The following CADM2 variants were observed in gnomAD, a reference collection of about 807,000 sequenced individuals.
The protein encoded by CADM2 is cell adhesion molecule 2.
A neutral mutation model predicts 49.8 loss-of-function variants in CADM2; 12 were observed. That is an observed-to-expected ratio of 0.24 (90% CI 0.15 to 0.39). CADM2 has a LOEUF of 0.39. Ranked by LOEUF, CADM2 falls within the 10% of genes least tolerant of loss-of-function variation. CADM2 has a pLI of 1.00. For missense variants in CADM2, 378 were observed against 492.3 expected, an observed-to-expected ratio of 0.77 and a Z score of 2.20; for synonymous variants, 214 against 175.4, an observed-to-expected ratio of 1.22 and a Z score of -1.74.
In CADM2 at chr3:84,959,548, C is replaced by G; in HGVS notation, c.-60C>G. ...CCAGCGGAGCCCTGCACTCTCGTGC[C>G]CCGCTCACCAGCATCTACTTGCCCC... On this transcript the variant is annotated 5_prime_UTR_variant, in exon 1 of 10. Transcript: ENST00000383699. 6.8e-7 allele frequency: 1 copy of G among 1,466,700 alleles called. No homozygotes were observed. The highest frequency in any genetic ancestry group is 9.2e-7 in the Non-Finnish European group (1 of 1,083,168). The allele number at this position is 1,466,700 out of a possible 1,614,324, so 90.9% of individuals were successfully genotyped here.
chr3:85,985,424 T>G (rs914160025), intron 8 of CADM2, among the ~76,000 whole-genome samples: 48 of 152,088 alleles, frequency 3.2e-4, no homozygotes, highest in African/African-American at 1.1e-3. Flanking sequence ...AGGAGGACAT[T>G]TGTGTCCTCA....
At chr3:85,969,105 C>A (rs1006782923) in intron 8 of CADM2, among the ~76,000 whole-genome samples, 4 of 151,546 alleles carry the variant, frequency 2.6e-5, no homozygotes, top group Non-Finnish European at 5.9e-5. Context: ...CACACTCCCA[C>A]ACCTTCAATC....
At chr3:85,284,901 C>T (rs750437983) in intron 1 of CADM2, among the ~76,000 whole-genome samples, 16 of 151,910 alleles carry the variant, frequency 1.1e-4, no homozygotes, top group Non-Finnish European at 2.1e-4. Flanking sequence ...ATCGAATATA[C>T]ATGAAGGGAT....
At chr3:85,450,937 C>A (rs2037722523) in intron 1 of CADM2, among the ~76,000 whole-genome samples, 1 of 151,964 alleles carries the variant, frequency 6.6e-6, no homozygotes, top group African/African-American at 2.4e-5. Context: ...TTAAACATAT[C>A]AAACTGGAAC....
chr3:85,769,432 TA>T (rs1269364541), intron 2 of CADM2, among the ~76,000 whole-genome samples: 5 of 100,016 alleles, frequency 5.0e-5, no homozygotes, highest in Admixed American at 2.8e-4. Flanking sequence ...TATACATATA[TA>T]GTATATATAC....
intron 8 of CADM2, among the ~76,000 whole-genome samples, chr3:86,012,286 T>C (rs951034204): frequency 3.9e-5 from 6 of 152,222 alleles, no homozygotes; most frequent in Admixed American, 3.9e-4. Context: ...ATGCATATTA[T>C]AATAGAATAA....
chr3:85,428,021 T>C (rs1156580930), intron 1 of CADM2, among the ~76,000 whole-genome samples: 2 of 151,932 alleles, frequency 1.3e-5, no homozygotes. Context: ...CATAGTTAGG[T>C]ACTTATTCCT....
chr3:85,559,226 G>A (rs1264542914), intron 1 of CADM2, among the ~76,000 whole-genome samples: 1 of 151,926 alleles, frequency 6.6e-6, no homozygotes, highest in Non-Finnish European at 1.5e-5. Flanking sequence ...ATGTATACAT[G>A]TACCAATGTT....
At chr3:85,700,611 A>T (rs988656820) in intron 1 of CADM2, among the ~76,000 whole-genome samples, 2 of 152,196 alleles carry the variant, frequency 1.3e-5, no homozygotes, top group Non-Finnish European at 2.9e-5. Flanking sequence ...ATTCTGCCAG[A>T]TACCCTAAAT....
intron 1 of CADM2, among the ~76,000 whole-genome samples, chr3:85,235,241 T>C (rs543658631): frequency 6.6e-6 from 1 of 152,292 alleles, no homozygotes; most frequent in East Asian, 1.9e-4. Context: ...TGAATATCTC[T>C]TGATCACAAT....
At chr3:85,754,367 G>A (rs543320566) in intron 2 of CADM2, among the ~76,000 whole-genome samples, 44 of 152,188 alleles carry the variant, frequency 2.9e-4, no homozygotes, top group Non-Finnish European at 5.9e-4. Context: ...CAGTCCTGGT[G>A]GGGGGCCCTC....
At chr3:85,537,024 A>G (rs2061434245) in intron 1 of CADM2, among the ~76,000 whole-genome samples, 1 of 152,000 alleles carries the variant, frequency 6.6e-6, no homozygotes, top group Non-Finnish European at 1.5e-5. Flanking sequence ...TTGAAATTTT[A>G]ATATTCTCAT....
At chr3:85,039,223 A>T (rs2035342597) in intron 1 of CADM2, among the ~76,000 whole-genome samples, 1 of 151,850 alleles carries the variant, frequency 6.6e-6, no homozygotes, top group Non-Finnish European at 1.5e-5. Flanking sequence ...CTGGTATCGG[A>T]CTCCTCACCT....
chr3:85,363,516 G>T (rs2032509793), intron 1 of CADM2, among the ~76,000 whole-genome samples: 1 of 151,226 alleles, frequency 6.6e-6, no homozygotes, highest in Admixed American at 6.6e-5. Context: ...AAAAAAAAAA[G>T]GTTTAGTCTT....
chr3:85,182,417 A>T (rs1049857424), intron 1 of CADM2, among the ~76,000 whole-genome samples: 5 of 152,250 alleles, frequency 3.3e-5, no homozygotes, highest in Non-Finnish European at 7.4e-5. Context: ...ATGATAAAAA[A>T]GGAATTTCAC....
chr3:85,545,894 A>C (rs2061660328), intron 1 of CADM2, among the ~76,000 whole-genome samples: 1 of 152,172 alleles, frequency 6.6e-6, no homozygotes, highest in African/African-American at 2.4e-5. Flanking sequence ...CAGAGATCTA[A>C]ATTTTGGTAT....
At chr3:85,957,127 G>A (rs538685254) in intron 7 of CADM2, among the ~76,000 whole-genome samples, 3 of 151,742 alleles carry the variant, frequency 2.0e-5, no homozygotes, top group African/African-American at 7.2e-5. Flanking sequence ...GCTGCTTCAA[G>A]AGATGTTAAC....
At chr3:85,039,245 C>A (rs2035343433) in intron 1 of CADM2, among the ~76,000 whole-genome samples, 2 of 152,194 alleles carry the variant, frequency 1.3e-5, no homozygotes, top group Non-Finnish European at 2.9e-5. Flanking sequence ...AGGTGATCCA[C>A]CCACCTCGGC....
chr3:86,016,780 C>T (rs754450887), intron 8 of CADM2, among the ~76,000 whole-genome samples: 2 of 151,994 alleles, frequency 1.3e-5, no homozygotes, highest in East Asian at 1.9e-4. Context: ...ATTAATATGT[C>T]GCTGCTATAT....
Sources: gnomAD v4.1 joint callset for allele counts (sites outside exome capture counted in the v4.1 genomes callset) on GRCh38, gnomAD v4.1.1 for gene constraint, MANE v1.5 for transcripts, NCBI Gene and HGNC (gene_info 2026-07-23, HGNC 2026-07-21) for gene names.